XPO7: variants seen among roughly 807,000 people sequenced by gnomAD.
XPO7 encodes exportin 7, also known as exportin-7.
XPO7 carries 21 observed loss-of-function variants against 144.3 expected under a neutral mutation model. The ratio of observed to expected loss-of-function variants is 0.15; its 90% CI spans 0.10 to 0.21. The LOEUF (loss-of-function observed/expected upper bound fraction) is 0.21, where lower values mean the gene tolerates loss of function less well. Ranked by LOEUF, XPO7 falls within the 10% of genes least tolerant of loss-of-function variation. XPO7 has a pLI of 1.00. For synonymous variants in XPO7, 580 were observed against 499.6 expected, an observed-to-expected ratio of 1.16 and a Z score of -2.15; for missense variants, 808 against 1,325.8, an observed-to-expected ratio of 0.61 and a Z score of 6.06.
At chr8:21,950,289 C>T (rs1261363820) in intron 1 of XPO7, among the ~76,000 whole-genome samples, 1 of 152,210 alleles carries the variant, frequency 6.6e-6, no homozygotes, top group African/African-American at 2.4e-5. Context: ...CATTTTTAAT[C>T]TCACTTGTTT....
At chr8:21,947,561 A>G (rs1199458460) in intron 1 of XPO7, among the ~76,000 whole-genome samples, 4 of 152,154 alleles carry the variant, frequency 2.6e-5, no homozygotes, top group East Asian at 3.9e-4. Context: ...ATCATACACA[A>G]TATTTAAGAG....
chr8:21,969,676 A>G, intron 3 of XPO7, 100 bp downstream of exon 3: 11 of 1,127,078 alleles, frequency 9.8e-6, no homozygotes, highest in Non-Finnish European at 1.3e-5. Flanking sequence ...ATATGCTGAG[A>G]TTGCTAACCA....
chr8:21,948,838 C>T (rs1811275019), intron 1 of XPO7, among the ~76,000 whole-genome samples: 1 of 152,186 alleles, frequency 6.6e-6, no homozygotes, highest in Non-Finnish European at 1.5e-5. Context: ...AGGAATGACA[C>T]ATTCTCAGAC....
At chr8:21,936,397 G>A (rs1451690321) in intron 1 of XPO7, among the ~76,000 whole-genome samples, 1 of 152,112 alleles carries the variant, frequency 6.6e-6, no homozygotes, top group East Asian at 1.9e-4. Flanking sequence ...CAGTATCCAT[G>A]TCACTAGATT....
rs1563341001 is a variant in XPO7, at chr8:22,002,292, G to A, written c.2943+20G>A. On this transcript the variant is annotated intron_variant, in intron 25 of 27. Coordinates refer to ENST00000252512, the MANE Select transcript of XPO7 (RefSeq NM_015024.5). ...CAGCAGGTAAGAAAGTGGAGGCTTA[G>A]GAGGCAGTGATGGGGTGTCCGACAG... is the stretch of plus-strand genomic sequence containing the variant. 1 of 1,608,794 alleles carries A rather than the reference G, an allele frequency of 6.2e-7. No homozygotes were observed. Among genetic ancestry groups the A allele is most frequent in the Non-Finnish European group, 8.5e-7 (1 of 1,177,972 alleles).
intron 3 of XPO7, 193 bp from the exon 4 acceptor site, chr8:21,969,951 T>G: frequency 1.5e-6 from 1 of 646,292 alleles, no homozygotes; most frequent in East Asian, 2.9e-5. Flanking sequence ...AATAAAATTC[T>G]GAATTAGAAC....
rs1313184710 is a variant in XPO7, at chr8:21,990,390, A to G, written c.1915A>G (p.Met639Val). The G allele has an allele frequency of 5.0e-6, 8 of 1,613,676 alleles. No individual in the cohort carries two copies. In the Admixed American group the frequency reaches 1.3e-4, roughly 27 times the overall value. The change falls in exon 17 of 28, where the codon ATG (methionine) becomes GTG (valine). Residue 639 changes from methionine to valine, a missense_variant. Around this residue, in one of 5 missense-constraint regions of XPO7, gnomAD observed 416 missense variants for 612.5 expected, o/e 0.68. Transcript: ENST00000252512. ...AGTGAAGCTTAGTGCGGTACAGTTC[A>G]TGCTGAACAATCACACGGTGAGTGA... ...KLVKLSAVQFMLNNHTSEHFS... is the reference protein window; with the variant it reads ...KLVKLSAVQFVLNNHTSEHFS...
rs1318385147 is a variant in XPO7, at chr8:21,956,143, A to G, written c.19-10714A>G. On this transcript the variant is annotated intron_variant, in intron 1 of 27. Coordinates refer to ENST00000252512, the MANE Select transcript of XPO7 (RefSeq NM_015024.5). ...TTTTTGTGGCCTTACACCCCCAAAG[A>G]TAACTTTGTTCTACTCACACATGAT... is the stretch of plus-strand genomic sequence containing the variant. Among the ~76,000 whole-genome samples, 5 of 152,338 alleles carry G rather than the reference A, an allele frequency of 3.3e-5. No individual in the cohort carries two copies. In the East Asian group the frequency reaches 9.6e-4, roughly 29 times the overall value.
chr8:21,952,739 G>A (rs1478708279), intron 1 of XPO7, among the ~76,000 whole-genome samples: 1 of 152,192 alleles, frequency 6.6e-6, no homozygotes, highest in African/African-American at 2.4e-5. Flanking sequence ...TAACGCCTGT[G>A]TTTTCAGCTA....
chr8:21,962,136 T>C (rs1275907367), intron 1 of XPO7, among the ~76,000 whole-genome samples: 1 of 152,208 alleles, frequency 6.6e-6, no homozygotes, highest in Non-Finnish European at 1.5e-5. Flanking sequence ...AAAATGAGTT[T>C]AAAAAATAAA....
intron 1 of XPO7, among the ~76,000 whole-genome samples, chr8:21,944,384 G>A (rs1025703629): frequency 4.6e-5 from 7 of 151,984 alleles, no homozygotes; most frequent in Non-Finnish European, 8.8e-5. Context: ...CCTGGCCAAC[G>A]TGGTGAAACC....
At chr8:21,963,726 T>C (rs552402377) in intron 1 of XPO7, among the ~76,000 whole-genome samples, 3 of 152,050 alleles carry the variant, frequency 2.0e-5, no homozygotes, top group Non-Finnish European at 2.9e-5. Flanking sequence ...ACCATTGGGC[T>C]ATTTAAAGAG....
At chr8:21,931,798 C>G (rs543462164) in intron 1 of XPO7, among the ~76,000 whole-genome samples, 2 of 152,278 alleles carry the variant, frequency 1.3e-5, no homozygotes, top group South Asian at 4.1e-4. Context: ...CATTCTCTAT[C>G]CTCTATCAAC....
chr8:21,935,751 G>A (rs1810799993), intron 1 of XPO7, among the ~76,000 whole-genome samples: 1 of 152,152 alleles, frequency 6.6e-6, no homozygotes, highest in Admixed American at 6.5e-5. Context: ...ATATAAAATG[G>A]TGTTGGGCTT....
In XPO7 at chr8:21,987,352, T is replaced by C. The variant is rs1406176329; in HGVS notation, c.1713+76T>C. On this transcript the variant is annotated intron_variant, in intron 14 of 27. Coordinates refer to ENST00000252512, the MANE Select transcript of XPO7 (RefSeq NM_015024.5). ...ATTGCTGATGGAGGGAAACAGTTGC[T>C]GATAGTTCACATAACCTCCAGATTT... is the stretch of plus-strand genomic sequence containing the variant. The C allele has an allele frequency of 5.0e-6, 8 of 1,586,544 alleles. No individual in the cohort carries two copies. The South Asian group carries it at 9.1e-5, about 18-fold the overall frequency.
chr8:21,970,497 A>G (rs1302080022), intron 4 of XPO7, among the ~76,000 whole-genome samples, 187 bp downstream of exon 4: 1 of 152,136 alleles, frequency 6.6e-6, no homozygotes, highest in Non-Finnish European at 1.5e-5. Context: ...TAGTGTTTGC[A>G]TGTTGGCAAA....
intron 1 of XPO7, among the ~76,000 whole-genome samples, chr8:21,921,239 G>C (rs1012482064): frequency 6.6e-6 from 1 of 152,110 alleles, no homozygotes; most frequent in Non-Finnish European, 1.5e-5. Flanking sequence ...AAAAATTCTT[G>C]GATCTTACAA....
At chr8:21,930,585 T>C (rs1386761448) in intron 1 of XPO7, among the ~76,000 whole-genome samples, 3 of 152,168 alleles carry the variant, frequency 2.0e-5, no homozygotes, top group South Asian at 4.1e-4. Flanking sequence ...TAAAGCTATA[T>C]GTATGTTCAC....
At chr8:21,945,388 A>G (rs1426536254) in intron 1 of XPO7, among the ~76,000 whole-genome samples, 4 of 152,244 alleles carry the variant, frequency 2.6e-5, no homozygotes, top group African/African-American at 9.6e-5. Context: ...AGCTAGAAAG[A>G]TGTCTAAATT....
Sources: gnomAD v4.1 joint callset for allele counts (sites outside exome capture counted in the v4.1 genomes callset) on GRCh38, gnomAD v4.1.1 for gene constraint, gnomAD v4.1.1 regional missense constraint, MANE v1.5 for transcripts, NCBI Gene and HGNC (gene_info 2026-07-23, HGNC 2026-07-21) for gene names.